SDK1: variants seen among roughly 807,000 people sequenced by gnomAD.
SDK1 encodes sidekick cell adhesion molecule 1.
A neutral mutation model predicts 245.5 loss-of-function variants in SDK1; 157 were observed. The ratio of observed to expected loss-of-function variants is 0.64; its 90% CI spans 0.56 to 0.73. The LOEUF is 0.73. Ranked by LOEUF, SDK1 falls within the 30% of genes least tolerant of loss-of-function variation. SDK1 has a pLI of 0.00. For synonymous variants in SDK1, 1,647 were observed against 1,278.5 expected (o/e 1.29, Z -6.15); for missense variants, 3,583 against 3,002.3 (o/e 1.19, Z -4.52).
intron 2 of SDK1, among the ~76,000 whole-genome samples, chr7:3,619,474 A>G (rs1781868201): frequency 6.6e-6 from 1 of 152,224 alleles, no homozygotes; most frequent in Non-Finnish European, 1.5e-5. Flanking sequence ...CCATTAGTGA[A>G]ATTATCAGTC....
At chr7:3,663,699 C>G (rs543248584) in intron 4 of SDK1, among the ~76,000 whole-genome samples, 22 of 152,266 alleles carry the variant, frequency 1.4e-4, no homozygotes, top group Middle Eastern at 3.4e-3. Flanking sequence ...GCTGGCCACC[C>G]TACTTGTTTA....
chr7:3,454,359 C>T (rs1239182065), intron 1 of SDK1, among the ~76,000 whole-genome samples: 5 of 142,664 alleles, frequency 3.5e-5, no homozygotes, highest in African/African-American at 1.3e-4. Flanking sequence ...TTTATTAATG[C>T]ATTTCGATTT....
intron 13 of SDK1, among the ~76,000 whole-genome samples, chr7:3,982,328 T>C (rs985629958): frequency 1.3e-5 from 2 of 152,154 alleles, no homozygotes; most frequent in South Asian, 4.2e-4. Flanking sequence ...AGAGCTTTGA[T>C]GGGAATGTAC....
In SDK1 at chr7:3,695,132, T is replaced by C. The variant is rs568602328; in HGVS notation, c.713+53027T>C. ...ACATAAGTCACTCTTTCTTAATTGC[T>C]AAAAATATTTATCAGTACCTGATCA... On this transcript the variant is annotated intron_variant, in intron 4 of 44. Coordinates refer to ENST00000404826, the MANE Select transcript of SDK1 (RefSeq NM_152744.4). Among the ~76,000 whole-genome samples, 3 of 152,310 alleles carry C rather than the reference T, an allele frequency of 2.0e-5. No individual in the cohort carries two copies. In the East Asian group the frequency reaches 5.8e-4, roughly 29 times the overall value.
chr7:3,636,181 G>T (rs1196384684), intron 2 of SDK1, among the ~76,000 whole-genome samples: 1 of 152,112 alleles, frequency 6.6e-6, no homozygotes, highest in African/African-American at 2.4e-5. Context: ...ATCACCTCCA[G>T]AAGTTTCCTC....
At chr7:3,449,203 C>A (rs1780438504) in intron 1 of SDK1, among the ~76,000 whole-genome samples, 1 of 152,102 alleles carries the variant, frequency 6.6e-6, no homozygotes, top group African/African-American at 2.4e-5. Flanking sequence ...GCTAGGGGTG[C>A]CTCAAAGCTG....
intron 1 of SDK1, among the ~76,000 whole-genome samples, chr7:3,566,444 C>T (rs912583516): frequency 5.9e-5 from 9 of 151,960 alleles, no homozygotes; most frequent in Non-Finnish European, 7.4e-5. Context: ...CCAGGATGGT[C>T]TCGATCTCCT....
At chr7:4,119,154 T>C (rs1415628377) in intron 25 of SDK1, among the ~76,000 whole-genome samples, 1 of 148,730 alleles carries the variant, frequency 6.7e-6, no homozygotes, top group East Asian at 1.9e-4. Context: ...TAAAATGTTA[T>C]TAAAATAAGT....
chr7:3,573,583 A>G (rs951577108), intron 1 of SDK1, among the ~76,000 whole-genome samples: 2 of 151,994 alleles, frequency 1.3e-5, no homozygotes, highest in Non-Finnish European at 2.9e-5. Context: ...CACACCCAGC[A>G]CCTGCTTAAT....
intron 8 of SDK1, among the ~76,000 whole-genome samples, chr7:3,960,863 G>T (rs1426155692): frequency 6.6e-6 from 1 of 152,208 alleles, no homozygotes; most frequent in East Asian, 1.9e-4. Context: ...CAACAACTCT[G>T]TGAATGTGAA....
chr7:3,689,724 G>A (rs184309190), intron 4 of SDK1, among the ~76,000 whole-genome samples: 21 of 152,134 alleles, frequency 1.4e-4, no homozygotes, highest in African/African-American at 5.1e-4. Flanking sequence ...AAAATATAAG[G>A]CTTTTGCTCC....
intron 1 of SDK1, among the ~76,000 whole-genome samples, chr7:3,510,681 A>C (rs1326395320): frequency 6.6e-6 from 1 of 152,120 alleles, no homozygotes; most frequent in Non-Finnish European, 1.5e-5. Flanking sequence ...AGGTGGTCTT[A>C]TTATACAGAT....
At chr7:3,834,919 C>T (rs1779996847) in intron 5 of SDK1, among the ~76,000 whole-genome samples, 1 of 152,152 alleles carries the variant, frequency 6.6e-6, no homozygotes, top group African/African-American at 2.4e-5. Flanking sequence ...GCTTGTTCTT[C>T]CTGTAGCTCC....
intron 1 of SDK1, among the ~76,000 whole-genome samples, chr7:3,421,842 C>G (rs1779544352): frequency 6.6e-6 from 1 of 152,172 alleles, no homozygotes; most frequent in African/African-American, 2.4e-5. Flanking sequence ...GCCAGGGCTG[C>G]TGCCTTCCTT....
At chr7:3,825,340 A>C (rs894464560) in intron 5 of SDK1, among the ~76,000 whole-genome samples, 28 of 150,064 alleles carry the variant, frequency 1.9e-4, no homozygotes, top group Admixed American at 1.3e-4. Flanking sequence ...AAAAAAAAAA[A>C]GCCACAGGCG....
intron 40 of SDK1, among the ~76,000 whole-genome samples, chr7:4,229,750 C>G (rs1263898821): frequency 6.6e-6 from 1 of 152,126 alleles, no homozygotes; most frequent in Non-Finnish European, 1.5e-5. Context: ...TTATAAGAGT[C>G]TGTATTTGGT....
At chr7:3,753,473 C>T (rs1416758433) in intron 4 of SDK1, among the ~76,000 whole-genome samples, 1 of 152,124 alleles carries the variant, frequency 6.6e-6, no homozygotes, top group African/African-American at 2.4e-5. Flanking sequence ...AAGAGAAATG[C>T]AAGGCAGTAG....
chr7:4,107,334 A>T (rs1783000562), intron 22 of SDK1, among the ~76,000 whole-genome samples: 1 of 151,918 alleles, frequency 6.6e-6, no homozygotes, highest in Non-Finnish European at 1.5e-5. Context: ...GGCTGCCGGG[A>T]AAAGCGCCCA....
chr7:3,451,110 T>C (rs1440001074), intron 1 of SDK1, among the ~76,000 whole-genome samples: 1 of 151,996 alleles, frequency 6.6e-6, no homozygotes, highest in African/African-American at 2.4e-5. Flanking sequence ...GCTAAGTGGA[T>C]GATACAGTAG....
Sources: allele counts gnomAD v4.1 joint callset (sites outside exome capture counted in the v4.1 genomes callset), GRCh38; gene constraint gnomAD v4.1.1; transcripts MANE v1.5; gene names NCBI Gene and HGNC (gene_info 2026-07-23, HGNC 2026-07-21).